Variants in STOX2 observed in about 807,000 individuals in gnomAD.
The protein encoded by STOX2 is storkhead box 2, also known as storkhead-box protein 2.
A neutral mutation model predicts 60.9 loss-of-function variants in STOX2; 28 were observed. The ratio of observed to expected loss-of-function variants is 0.46; its 90% confidence interval spans 0.34 to 0.63. The LOEUF is 0.63. Among genes scored for constraint, STOX2 ranks in the 30% least tolerant of loss-of-function variants. The pLI, the probability that STOX2 is intolerant of heterozygous loss-of-function variation, is 0.01. For synonymous variants in STOX2, 472 were observed against 463.9 expected (o/e 1.02, Z -0.22); for missense variants, 1,024 against 1,187.7 (o/e 0.86, Z 2.03).
chr4:183,893,144 A>G (rs1456262122), intron 1 of STOX2, among the ~76,000 whole-genome samples: 1 of 150,690 alleles, frequency 6.6e-6, no homozygotes, highest in East Asian at 2.0e-4. Flanking sequence ...CACTGTCTTT[A>G]ATTTATTGCC....
At chr4:183,864,205 T>G (rs1284791683) in intron 1 of STOX2, among the ~76,000 whole-genome samples, 1 of 152,232 alleles carries the variant, frequency 6.6e-6, no homozygotes, top group East Asian at 1.9e-4. Flanking sequence ...TATCCTAACA[T>G]GCACTGTTAT....
At chr4:183,929,539 C>T (rs1742349414) in intron 1 of STOX2, among the ~76,000 whole-genome samples, 1 of 152,108 alleles carries the variant, frequency 6.6e-6, no homozygotes, top group Non-Finnish European at 1.5e-5. Context: ...TTTCAAACAC[C>T]TTAAGTGAGA....
chr4:184,015,950 C>T (rs1269920056), intron 3 of STOX2: 1 of 152,194 alleles, frequency 6.6e-6, no homozygotes, highest in African/African-American at 2.4e-5. Flanking sequence ...TTGCCCTATA[C>T]ATTTGAAATC....
At chr4:183,940,558 G>A (rs1459166218) in intron 1 of STOX2, among the ~76,000 whole-genome samples, 1 of 152,046 alleles carries the variant, frequency 6.6e-6, no homozygotes, top group Non-Finnish European at 1.5e-5. Context: ...TGGCAACCAC[G>A]AGAAAACCAG....
intron 1 of STOX2, among the ~76,000 whole-genome samples, chr4:183,839,541 T>A (rs1253671860): frequency 3.3e-5 from 5 of 152,224 alleles, no homozygotes; most frequent in Admixed American, 3.3e-4. Context: ...CCAGCATTAG[T>A]ACTACAGGAA....
Position 184,023,389 on chromosome 4 carries a change from G to A in STOX2, c.*6105G>A, listed in dbSNP as rs1292370970. ...TATAATAACTTAAAAGAAAAAAAAG[G>A]ACAGGGATTTTTGTAAGTCTATATT... On this transcript the variant is annotated 3_prime_UTR_variant, in exon 4 of 4. Coordinates refer to ENST00000308497, the MANE Select transcript of STOX2 (RefSeq NM_020225.3). 1 of 152,106 alleles carries A rather than the reference G, an allele frequency of 6.6e-6. No individual in the cohort carries two copies. Among genetic ancestry groups the A allele is most frequent in the African/African-American group, 2.4e-5 (1 of 41,406 alleles). The allele number at this position is 152,106 out of a possible 1,614,324, so 9.4% of individuals were successfully genotyped here. A position where few individuals can be genotyped will look rare whatever the true frequency, so the allele number is the denominator to read the frequency against.
At position 184,023,293 on chromosome 4, in the gene STOX2, GC is replaced by G. The variant is rs1282799353; in HGVS notation, c.*6010del. The G allele has an allele frequency of 6.6e-6, 1 of 152,124 alleles. No individual in the cohort carries two copies. The highest frequency in any genetic ancestry group is 1.5e-5 in the Non-Finnish European group (1 of 68,016). The allele number at this position is 152,124 out of a possible 1,614,324, so 9.4% of individuals were successfully genotyped here. On this transcript the variant is annotated 3_prime_UTR_variant, in exon 4 of 4. Transcript: ENST00000308497. ...TCCCTAATGTTACTGATTTATAACAGCACATTTGTAACATGGTTTTTATCGT... is the reference window on the plus strand; with the variant it reads ...TCCCTAATGTTACTGATTTATAACAGACATTTGTAACATGGTTTTTATCGT...
chr4:183,871,802 C>T (rs571154087), intron 1 of STOX2, among the ~76,000 whole-genome samples: 27 of 152,068 alleles, frequency 1.8e-4, no homozygotes, highest in African/African-American at 6.5e-4. Context: ...TGGAAAATTT[C>T]TCTGACAGAC....
intron 1 of STOX2, among the ~76,000 whole-genome samples, chr4:183,912,778 G>A (rs1051846272): frequency 5.9e-5 from 9 of 152,054 alleles, no homozygotes; most frequent in African/African-American, 1.7e-4. Context: ...GCATGTATCC[G>A]GCACACAGTA....
intron 1 of STOX2, among the ~76,000 whole-genome samples, chr4:183,840,847 G>A (rs905749816): frequency 2.6e-5 from 4 of 152,124 alleles, no homozygotes; most frequent in Non-Finnish European, 4.4e-5. Flanking sequence ...GTGGATCTGC[G>A]GGAGAGAGTT....
chr4:183,929,489 G>T (rs2111112378), intron 1 of STOX2, among the ~76,000 whole-genome samples: 2 of 152,254 alleles, frequency 1.3e-5, no homozygotes, highest in Middle Eastern at 6.8e-3. Flanking sequence ...GGAGTTTGGG[G>T]ACATAATTTA....
rs902753364 is a variant in STOX2 at position 183,819,292 on chromosome 4, C to T, written c.364+21237C>T. On this transcript the variant is annotated intron_variant, in intron 1 of 2. Coordinates refer to the STOX2 transcript ENST00000513034. ...GTGAACGAGACTCCATCTGCAATCC[C>T]GGCACCTCGGGAGGCCGAGGCTAGC... Among the ~76,000 whole-genome samples, 114 of 152,034 alleles carry T rather than the reference C, an allele frequency of 7.5e-4. 8 individuals carry two copies. Among genetic ancestry groups the T allele is most frequent in the Admixed American group, 1.0e-3 (16 of 15,270 alleles).
At chr4:183,935,130 C>G (rs760469085) in intron 1 of STOX2, among the ~76,000 whole-genome samples, 3 of 152,218 alleles carry the variant, frequency 2.0e-5, no homozygotes, top group Non-Finnish European at 4.4e-5. Flanking sequence ...AAATGGAGTT[C>G]TGTTCTAAGT....
intron 1 of STOX2, among the ~76,000 whole-genome samples, chr4:183,908,395 T>C (rs1019790432): frequency 1.3e-5 from 2 of 152,106 alleles, no homozygotes; most frequent in African/African-American, 4.8e-5. Context: ...CTGCACTAAG[T>C]GTTCAGATAA....
At chr4:183,830,337 C>T (rs1358367418) in intron 1 of STOX2, among the ~76,000 whole-genome samples, 3 of 152,206 alleles carry the variant, frequency 2.0e-5, no homozygotes, top group African/African-American at 7.2e-5. Context: ...TTTACACTCT[C>T]AGTCGACTGA....
intron 1 of STOX2, among the ~76,000 whole-genome samples, chr4:183,831,998 T>C (rs865980145): frequency 0.02 from 3,094 of 151,328 alleles, 125 homozygotes; most frequent in African/African-American, 0.071. Context: ...TCTTTTTTTT[T>C]TTTTTTTTGA....
intron 1 of STOX2, among the ~76,000 whole-genome samples, chr4:183,888,040 C>T (rs888191833): frequency 2.0e-5 from 3 of 152,174 alleles, no homozygotes; most frequent in Admixed American, 6.5e-5. Flanking sequence ...AGGTGTGAGC[C>T]ACTGCGCCTG....
At chr4:183,814,094 C>T (rs796530719) in intron 1 of STOX2, among the ~76,000 whole-genome samples, 14 of 152,252 alleles carry the variant, frequency 9.2e-5, no homozygotes, top group African/African-American at 3.4e-4. Flanking sequence ...GGAAGCTATT[C>T]ATTACACAAT....
intron 1 of STOX2, among the ~76,000 whole-genome samples, chr4:183,798,230 G>A (rs1461567202): frequency 6.6e-6 from 1 of 151,402 alleles, no homozygotes; most frequent in Non-Finnish European, 1.5e-5. Flanking sequence ...CGTGGGATTG[G>A]GGAACTTCCT....
Sources: gnomAD v4.1 joint callset for allele counts (sites outside exome capture counted in the v4.1 genomes callset) on GRCh38, gnomAD v4.1.1 for gene constraint, MANE v1.5 for transcripts, NCBI Gene and HGNC (gene_info 2026-07-23, HGNC 2026-07-21) for gene names.